The following FHIP1A variants were observed in gnomAD, a reference collection of about 807,000 sequenced individuals.
FHIP1A encodes the protein FHF complex subunit HOOK-interacting protein 1A.
In FHIP1A, 61 loss-of-function variants were observed where a neutral mutation model predicts 88.6. That is an observed-to-expected ratio of 0.69 (90% CI 0.56 to 0.85). The LOEUF is 0.85. FHIP1A is among the 40% of genes least tolerant of loss of function. The pLI, the probability that FHIP1A is intolerant of heterozygous loss-of-function variation, is 0.00. For synonymous variants in FHIP1A, 478 were observed against 496.0 expected (o/e 0.96, Z 0.48); for missense variants, 1,154 against 1,273.5 (o/e 0.91, Z 1.43).
chr4:151,649,637 T>A lies in FHIP1A; in HGVS notation c.1596T>A (p.Pro532=). Residue 532 remains proline (P), a synonymous_variant, in exon 11 of 14, where the codon CCT becomes CCA. Transcript: ENST00000435205. Reference sequence around the variant, plus strand: ...TGTATGATGGCGACTCCCCCGACCCTGAGATGTTTCTCCAGAGTCTGACGG... The same window carrying A: ...TGTATGATGGCGACTCCCCCGACCCAGAGATGTTTCTCCAGAGTCTGACGG... The part of the protein sequence containing the change: ...SALYDGDSPD[P]EMFLQSLTEE... The A allele has an allele frequency of 2.6e-6, 4 of 1,551,582 alleles. No homozygotes were observed. The highest frequency in any genetic ancestry group is 3.5e-6 in the Non-Finnish European group (4 of 1,146,904).
intron 1 of FHIP1A, among the ~76,000 whole-genome samples, chr4:151,446,639 G>A (rs2709845): frequency 0.36 from 52,387 of 146,302 alleles, 9,930 homozygotes; most frequent in Non-Finnish European, 0.43. Flanking sequence ...GGAAGTTTCG[G>A]TGCTTTAAAA....
chr4:151,460,437 C>T (rs1729109158), intron 2 of FHIP1A, among the ~76,000 whole-genome samples: 1 of 152,184 alleles, frequency 6.6e-6, no homozygotes, highest in Non-Finnish European at 1.5e-5. Flanking sequence ...GTACCTACCA[C>T]CACCACCACC....
chr4:151,435,207 G>A (rs1009147800), intron 1 of FHIP1A, among the ~76,000 whole-genome samples: 8 of 151,888 alleles, frequency 5.3e-5, no homozygotes, highest in African/African-American at 1.9e-4. Context: ...GTGGAACACT[G>A]GAACTTACTC....
At position 151,452,438 on chromosome 4, in the gene FHIP1A, T is replaced by C. The variant is rs530769823; in HGVS notation, c.-355-2263T>C. 1.4e-3 allele frequency among the ~76,000 whole-genome samples: 219 copies of C among 152,284 alleles called. 1 individual carries two copies. Among genetic ancestry groups the C allele is most frequent in the African/African-American group, 4.7e-3 (196 of 41,568 alleles). Reference sequence around the variant, plus strand: ...TAAATTTTTCTGGTTATAAAAGTGATACATCAGGCTGGCATGGTGGTTCAC... The same window carrying C: ...TAAATTTTTCTGGTTATAAAAGTGACACATCAGGCTGGCATGGTGGTTCAC... On this transcript the variant is annotated intron_variant, in intron 1 of 13. Coordinates refer to ENST00000435205, the MANE Select transcript of FHIP1A (RefSeq NM_001109977.3).
chr4:151,468,755 TCTGAATA>T (rs1729412732), intron 2 of FHIP1A, among the ~76,000 whole-genome samples: 1 of 152,206 alleles, frequency 6.6e-6, no homozygotes, highest in Non-Finnish European at 1.5e-5. Context: ...GCCTCATTTG[TCTGAATA>T]CTGCTAAGGT....
chr4:151,431,461 A>G (rs1220940152), intron 1 of FHIP1A, among the ~76,000 whole-genome samples: 1 of 151,968 alleles, frequency 6.6e-6, no homozygotes, highest in Non-Finnish European at 1.5e-5. Context: ...TAATGTATTT[A>G]ATAGGTACAG....
At chr4:151,459,815 C>A (rs1033075191) in intron 2 of FHIP1A, among the ~76,000 whole-genome samples, 1 of 152,120 alleles carries the variant, frequency 6.6e-6, no homozygotes, top group African/African-American at 2.4e-5. Context: ...TGTTAATACC[C>A]TTGTTGTAGA....
chr4:151,470,367 C>T (rs1342208125), intron 2 of FHIP1A, among the ~76,000 whole-genome samples: 1 of 152,154 alleles, frequency 6.6e-6, no homozygotes, highest in Non-Finnish European at 1.5e-5. Flanking sequence ...AGAACATTTT[C>T]CAAAAGGAAT....
At chr4:151,611,809 A>G (rs1029725475) in intron 7 of FHIP1A, among the ~76,000 whole-genome samples, 4 of 152,134 alleles carry the variant, frequency 2.6e-5, no homozygotes, top group East Asian at 1.9e-4. Context: ...TAGGTGTTCT[A>G]TGTATAAGTG....
chr4:151,496,233 TTA>T (rs138381883), intron 3 of FHIP1A, among the ~76,000 whole-genome samples: 7 of 148,674 alleles, frequency 4.7e-5, no homozygotes, highest in African/African-American at 1.2e-4. Context: ...AAACAAAAGA[TTA>T]TATATATATA....
At chr4:151,659,784 C>T (rs1007976958) in intron 13 of FHIP1A, among the ~76,000 whole-genome samples, 2 of 152,120 alleles carry the variant, frequency 1.3e-5, no homozygotes, top group South Asian at 2.1e-4. Context: ...CTGGCAGCCC[C>T]GATGAAAAAC....
chr4:151,621,727 C>T (rs2126865059), intron 7 of FHIP1A, among the ~76,000 whole-genome samples: 1 of 152,042 alleles, frequency 6.6e-6, no homozygotes, highest in African/African-American at 2.4e-5. Flanking sequence ...AAGTCAGTCT[C>T]ATCAGCATTC....
At chr4:151,485,498 G>A (rs892251892) in intron 3 of FHIP1A, among the ~76,000 whole-genome samples, 3 of 151,660 alleles carry the variant, frequency 2.0e-5, no homozygotes, top group South Asian at 4.2e-4. Flanking sequence ...CTCAAAGTGC[G>A]GTCCCCAGAT....
intron 3 of FHIP1A, among the ~76,000 whole-genome samples, chr4:151,526,214 C>A (rs1048517390): frequency 2.0e-5 from 3 of 152,354 alleles, no homozygotes; most frequent in African/African-American, 7.2e-5. Flanking sequence ...ACCCTTCCCC[C>A]CTTTCTATTC....
chr4:151,618,204 T>C (rs1438687719), intron 7 of FHIP1A, among the ~76,000 whole-genome samples: 1 of 152,244 alleles, frequency 6.6e-6, no homozygotes, highest in African/African-American at 2.4e-5. Flanking sequence ...CACTCATCAC[T>C]ATATTAGAAT....
chr4:151,515,568 C>T (rs1731201160), intron 3 of FHIP1A, among the ~76,000 whole-genome samples: 1 of 152,114 alleles, frequency 6.6e-6, no homozygotes, highest in East Asian at 1.9e-4. Flanking sequence ...TTGTTTCAGC[C>T]CTAAATCTCC....
intron 2 of FHIP1A, among the ~76,000 whole-genome samples, chr4:151,462,584 A>G (rs1729177608): frequency 1.3e-5 from 2 of 152,182 alleles, no homozygotes; most frequent in African/African-American, 2.4e-5. Flanking sequence ...TAAGATGATG[A>G]TATTACAGAG....
intron 7 of FHIP1A, among the ~76,000 whole-genome samples, chr4:151,612,930 G>A (rs886423132): frequency 2.0e-5 from 3 of 152,230 alleles, no homozygotes; most frequent in Non-Finnish European, 4.4e-5. Flanking sequence ...CATAGTGCTA[G>A]AGACGCGACA....
intron 3 of FHIP1A, among the ~76,000 whole-genome samples, chr4:151,537,825 G>T (rs1187561729): frequency 2.0e-5 from 3 of 152,150 alleles, no homozygotes; most frequent in Admixed American, 2.0e-4. Flanking sequence ...ATCTTTAGCT[G>T]GAGAATGGTA....
Sources: gnomAD v4.1 joint callset for allele counts (sites outside exome capture counted in the v4.1 genomes callset) on GRCh38, gnomAD v4.1.1 for gene constraint, MANE v1.5 for transcripts, NCBI Gene and HGNC (gene_info 2026-07-23, HGNC 2026-07-21) for gene names.